STARD13: variants seen among roughly 807,000 people sequenced by gnomAD.
The protein encoded by STARD13 is StAR related lipid transfer domain containing 13, also known as stAR-related lipid transfer protein 13.
A neutral mutation model predicts 106.4 loss-of-function variants in STARD13; 62 were observed. The observed-to-expected ratio is 0.58, with a 90% CI of 0.48 to 0.72. STARD13 has a LOEUF of 0.72. STARD13 is among the 30% of genes least tolerant of loss of function. The pLI, the probability that STARD13 is intolerant of heterozygous loss-of-function variation, is 0.00. For missense variants in STARD13, 1,387 were observed against 1,424.0 expected, an observed-to-expected ratio of 0.97 and a Z score of 0.42; for synonymous variants, 565 against 553.0, an observed-to-expected ratio of 1.02 and a Z score of -0.31.
chr13:33,409,604 C>T, the STARD13 span, among the ~76,000 whole-genome samples: 2 of 152,190 alleles, frequency 1.3e-5, no homozygotes, highest in African/African-American at 4.8e-5. Flanking sequence ...GTATTAAGTA[C>T]GTTTTTCTAC....
At chr13:33,297,643 A>C (rs1892547924) in intron 1 of STARD13, among the ~76,000 whole-genome samples, 1 of 152,150 alleles carries the variant, frequency 6.6e-6, no homozygotes, top group African/African-American at 2.4e-5. Flanking sequence ...GTTTAGAAGA[A>C]ACTGCACCAA....
At position 33,152,888 on chromosome 13, in the gene STARD13, G is replaced by C. The variant is rs368902444; in HGVS notation, c.324-10515C>G. On this transcript the variant is annotated intron_variant, in intron 3 of 13. Transcript: ENST00000336934. ...AAGAGCCCGTGGCCTATAACAGAAT[G>C]AGCATTAAAAAAAGGAGGGAGTAAT... is the stretch of plus-strand genomic sequence containing the variant. Among the ~76,000 whole-genome samples the C allele has an allele frequency of 2.0e-3, 301 of 152,120 alleles. 1 individual carries two copies. Among genetic ancestry groups the C allele is most frequent in the Non-Finnish European group, 2.8e-3 (190 of 67,992 alleles).
chr13:33,575,662 T>C, the STARD13 span, among the ~76,000 whole-genome samples: 7 of 152,012 alleles, frequency 4.6e-5, no homozygotes, highest in African/African-American at 1.2e-4. Flanking sequence ...TGAGAGTGAG[T>C]TGTTGTAAAG....
chr13:33,603,533 G>C, the STARD13 span, among the ~76,000 whole-genome samples: 13 of 152,236 alleles, frequency 8.5e-5, no homozygotes, highest in African/African-American at 2.9e-4. Flanking sequence ...CTCTCTTCCT[G>C]GCTAGGCTTC....
chr13:33,121,050 A>C (rs1467422100), intron 7 of STARD13, among the ~76,000 whole-genome samples: 1 of 151,872 alleles, frequency 6.6e-6, no homozygotes, highest in East Asian at 1.9e-4. Flanking sequence ...CTATTTCCTG[A>C]CTTTTTGTTT....
chr13:33,109,834 T>C (rs1874267768), intron 12 of STARD13, 39 bp downstream of exon 12: 1 of 1,604,214 alleles, frequency 6.2e-7, no homozygotes, highest in Admixed American at 1.7e-5. Context: ...GCGTCCTGCC[T>C]TTGGAACAGA....
At chr13:33,269,778 G>C (rs1457428213) in intron 1 of STARD13, among the ~76,000 whole-genome samples, 3 of 152,184 alleles carry the variant, frequency 2.0e-5, no homozygotes, top group African/African-American at 7.2e-5. Context: ...ACTTCAGAAT[G>C]AAGGTGAAAA....
the STARD13 span, among the ~76,000 whole-genome samples, chr13:33,466,227 A>G: frequency 6.6e-6 from 1 of 152,220 alleles, no homozygotes; most frequent in Non-Finnish European, 1.5e-5. Flanking sequence ...TTTAATGTAA[A>G]ATGAATGTTT....
the STARD13 span, among the ~76,000 whole-genome samples, chr13:33,428,383 G>A: frequency 3.5e-3 from 534 of 152,184 alleles, 2 homozygotes; most frequent in African/African-American, 0.013. Context: ...CAAAAAGACA[G>A]CACACAGAGT....
At chr13:33,334,791 G>A (rs747058415) in intron 1 of STARD13, among the ~76,000 whole-genome samples, 10 of 152,176 alleles carry the variant, frequency 6.6e-5, no homozygotes, top group East Asian at 3.9e-4. Context: ...GAAGGACAGC[G>A]CCAGGCAGGC....
At chr13:33,490,726 G>A in the STARD13 span, among the ~76,000 whole-genome samples, 1 of 152,086 alleles carries the variant, frequency 6.6e-6, no homozygotes, top group Non-Finnish European at 1.5e-5. Flanking sequence ...AATTTTTCCG[G>A]GACACTGGAC....
At chr13:33,167,515 T>G in intron 2 of STARD13, 36 bp downstream of exon 2, 1 of 1,607,836 alleles carries the variant, frequency 6.2e-7, no homozygotes, top group Non-Finnish European at 8.5e-7. Context: ...TTTGGATTTA[T>G]TCTCTGTGTA....
the STARD13 span, among the ~76,000 whole-genome samples, chr13:33,546,384 C>T: frequency 2.0e-5 from 3 of 152,124 alleles, no homozygotes; most frequent in East Asian, 5.8e-4. Flanking sequence ...CTTATTAATA[C>T]TTTTAATTTT....
intron 3 of STARD13, among the ~76,000 whole-genome samples, chr13:33,163,709 A>ACATATATAT (rs1882993730): frequency 7.4e-6 from 1 of 134,574 alleles, no homozygotes; most frequent in African/African-American, 2.7e-5. Context: ...CATATATATA[A>ACATATATAT]AACATATATA....
chr13:33,304,301 A>C (rs1892824471), intron 1 of STARD13, among the ~76,000 whole-genome samples: 1 of 152,148 alleles, frequency 6.6e-6, no homozygotes, highest in African/African-American at 2.4e-5. Context: ...ATTTTTCTTA[A>C]AGATTTTATT....
chr13:33,518,290 G>A, the STARD13 span, among the ~76,000 whole-genome samples: 18 of 152,248 alleles, frequency 1.2e-4, no homozygotes, highest in African/African-American at 4.1e-4. Context: ...TACTTCAAGA[G>A]TGTTAAAGTA....
chr13:33,611,890 G>A, the STARD13 span, among the ~76,000 whole-genome samples: 3 of 152,164 alleles, frequency 2.0e-5, no homozygotes, highest in African/African-American at 4.8e-5. Context: ...ACCAGGGACC[G>A]CACCACCATA....
At chr13:33,613,317 C>T in the STARD13 span, among the ~76,000 whole-genome samples, 2 of 152,120 alleles carry the variant, frequency 1.3e-5, no homozygotes, top group African/African-American at 4.8e-5. Context: ...AAGTGACACC[C>T]GAAACTCTGC....
intron 1 of STARD13, among the ~76,000 whole-genome samples, chr13:33,260,450 A>G (rs1890584353): frequency 6.6e-6 from 1 of 152,206 alleles, no homozygotes; most frequent in African/African-American, 2.4e-5. Flanking sequence ...ACTGCCCTCT[A>G]CATTTTACGG....
Sources: allele counts gnomAD v4.1 joint callset (sites outside exome capture counted in the v4.1 genomes callset), GRCh38; gene constraint gnomAD v4.1.1; transcripts MANE v1.5; gene names NCBI Gene and HGNC (gene_info 2026-07-23, HGNC 2026-07-21).